Variants in HTT observed in about 807,000 individuals in gnomAD.
HTT encodes the protein huntington disease protein.
A neutral mutation model predicts 362.3 loss-of-function variants in HTT; 104 were observed. The observed-to-expected ratio is 0.29, with a 90% CI of 0.24 to 0.34. The LOEUF (loss-of-function observed/expected upper bound fraction) is 0.34. Ranked by LOEUF, HTT falls within the 10% of genes least tolerant of loss-of-function variation. The pLI is 1.00. For synonymous variants in HTT, 1,577 were observed against 1,548.7 expected (o/e 1.02, Z -0.43); for missense variants, 3,301 against 3,928.6 (o/e 0.84, Z 4.27).
intron 1 of HTT, among the ~76,000 whole-genome samples, chr4:3,080,361 C>G (rs1206977398): frequency 6.6e-6 from 1 of 151,040 alleles, no homozygotes; most frequent in East Asian, 2.0e-4. Context: ...TGCCAAAGTG[C>G]TGGGATTACA....
At chr4:3,112,798 T>A (rs948491558) in intron 6 of HTT, among the ~76,000 whole-genome samples, 3 of 152,198 alleles carry the variant, frequency 2.0e-5, no homozygotes, top group Non-Finnish European at 4.4e-5. Flanking sequence ...GGTGTGTGCA[T>A]CTCAGCTGCA....
chr4:3,184,768 G>A (rs1394446034), intron 37 of HTT, among the ~76,000 whole-genome samples: 1 of 152,108 alleles, frequency 6.6e-6, no homozygotes, highest in Admixed American at 6.5e-5. Flanking sequence ...GAGACTGTGG[G>A]GCAGGGGGTC....
intron 37 of HTT, 83 bp from the exon 38 acceptor site, chr4:3,186,514 C>T: frequency 1.4e-6 from 2 of 1,464,080 alleles, no homozygotes; most frequent in South Asian, 1.2e-5. Context: ...TGATGATTTG[C>T]CCTTGAGTTA....
chr4:3,218,541 G>C lies in HTT; in HGVS notation c.7242+589G>C, dbSNP rs530737246. ...CCAGCTACTCAGGAGACTGAGACAG[G>C]AGAATCGCTTGAACCCAGGAGGCGA... On this transcript the variant is annotated intron_variant, in intron 52 of 66. Transcript: ENST00000355072. This position sits in a 1 kb window ranked among gnomAD's most constrained non-coding sequence, Gnocchi z 4.4. 6.6e-6 allele frequency among the ~76,000 whole-genome samples: 1 copy of C among 152,190 alleles called. No homozygotes were observed. The highest frequency in any genetic ancestry group is 1.5e-5 in the Non-Finnish European group (1 of 68,002).
chr4:3,220,684 C>T (rs1720631684), intron 53 of HTT, among the ~76,000 whole-genome samples: 1 of 152,064 alleles, frequency 6.6e-6, no homozygotes, highest in Non-Finnish European at 1.5e-5. Context: ...TGTTGTGTCT[C>T]AGTGGTCCAT....
intron 16 of HTT, 140 bp from the exon 17 acceptor site, chr4:3,132,422 G>A (rs960703025): frequency 1.5e-6 from 1 of 670,224 alleles, no homozygotes; most frequent in Non-Finnish European, 2.5e-6. Flanking sequence ...ATCACTTAGG[G>A]TTATTATAGT....
rs1560535071 is a variant in HTT, at chr4:3,074,928, CAGCAGCAACA to C, written c.104_113del (p.Gln35ArgfsTer63). 10 of 1,439,080 alleles carry C rather than the reference CAGCAGCAACA, an allele frequency of 6.9e-6. No individual in the cohort carries two copies. In the African/African-American group the frequency reaches 7.7e-5, roughly 11 times the overall value. 89.1% of individuals were successfully genotyped at this position (1,439,080 alleles called of 1,614,324 possible). A position where few individuals can be genotyped will look rare whatever the true frequency, so the allele number is the denominator to read the frequency against. On this transcript the variant is annotated frameshift_variant, in exon 1 of 67. Transcript: ENST00000355072. LOFTEE classifies it high-confidence loss of function. Reference sequence around the variant, plus strand: ...GCAGCAGCAGCAGCAGCAGCAGCAGCAGCAGCAACAGCCGCCACCGCCGCCGCCGCCGCCG... The same window carrying C: ...GCAGCAGCAGCAGCAGCAGCAGCAGCGCCGCCACCGCCGCCGCCGCCGCCG...
chr4:3,182,396 G>C lies in HTT; in HGVS notation c.4792G>C (p.Glu1598Gln), dbSNP rs1718566870. 6.2e-7 allele frequency: 1 copy of C among 1,613,900 alleles called. No individual in the cohort carries two copies. Among genetic ancestry groups the C allele is most frequent in the Non-Finnish European group, 8.5e-7 (1 of 1,179,852 alleles). The change falls in exon 37 of 67, where the codon GAG becomes CAG. Residue 1598 changes from glutamate (E) to glutamine (Q), a missense_variant. By Grantham distance (29) the Glu-to-Gln change is conservative. Coordinates refer to ENST00000355072, the MANE Select transcript of HTT (RefSeq NM_001388492.1). Reference sequence around the variant, plus strand: ...TCTTGTCCTGCAGCAGTGCCACAAGGAGAATGAAGACAAGTGGAAGCGACT... The same window carrying C: ...TCTTGTCCTGCAGCAGTGCCACAAGCAGAATGAAGACAAGTGGAAGCGACT... The part of the protein sequence containing the change: ...FILVLQQCHK[E>Q]NEDKWKRLSR...
At chr4:3,184,574 G>A (rs1718673899) in intron 37 of HTT, among the ~76,000 whole-genome samples, 2 of 152,158 alleles carry the variant, frequency 1.3e-5, no homozygotes, top group Admixed American at 1.3e-4. Context: ...GCTTAGATGT[G>A]GCATGTGAGA....
At chr4:3,220,695 T>C (rs1720632239) in intron 53 of HTT, among the ~76,000 whole-genome samples, 1 of 152,022 alleles carries the variant, frequency 6.6e-6, no homozygotes, top group Non-Finnish European at 1.5e-5. Flanking sequence ...AGTGGTCCAT[T>C]TTCTCATATG....
intron 6 of HTT, among the ~76,000 whole-genome samples, chr4:3,115,050 C>T (rs1714948014): frequency 6.6e-6 from 1 of 152,080 alleles, no homozygotes; most frequent in South Asian, 2.1e-4. Flanking sequence ...AGGCCTCCAC[C>T]ATTGCGGAGA....
Position 3,074,876 on chromosome 4 carries a change from C to CCAGCAGCAG in HTT, c.102_110dup (p.Gln36_Gln38dup), listed in dbSNP as rs71180116. The CCAGCAGCAG allele has an allele frequency of 0.033, 45,192 of 1,356,370 alleles. 3,933 individuals are homozygous for CCAGCAGCAG. The highest frequency in any genetic ancestry group is 0.048 in the Admixed American group (2,100 of 43,670). 84.0% of individuals were successfully genotyped at this position (1,356,370 alleles called of 1,614,324 possible). On this transcript the variant is annotated inframe_insertion, in exon 1 of 67. Transcript: ENST00000355072. ...AGGCCTTCGAGTCCCTCAAGTCCTT[C>CCAGCAGCAG]CAGCAGCAGCAGCAGCAGCAGCAGC...
intron 6 of HTT, among the ~76,000 whole-genome samples, chr4:3,114,856 A>G (rs999642612): frequency 2.0e-5 from 3 of 152,192 alleles, no homozygotes; most frequent in African/African-American, 4.8e-5. Context: ...TAAATTGCAG[A>G]TATTTCCGAT....
intron 64 of HTT, among the ~76,000 whole-genome samples, chr4:3,237,167 G>A (rs1299253235): frequency 1.1e-4 from 17 of 151,094 alleles, no homozygotes; most frequent in Non-Finnish European, 2.2e-4. Context: ...TCCGCCTCCC[G>A]GGTTCAAGTG....
chr4:3,126,450 T>C (rs1715524533), intron 11 of HTT, among the ~76,000 whole-genome samples: 1 of 152,232 alleles, frequency 6.6e-6, no homozygotes, highest in Non-Finnish European at 1.5e-5. Context: ...AGGGTGGTTT[T>C]GGTTGTATAA....
intron 2 of HTT, among the ~76,000 whole-genome samples, chr4:3,097,089 A>T (rs964379009): frequency 1.3e-5 from 2 of 152,228 alleles, no homozygotes; most frequent in Non-Finnish European, 2.9e-5. Flanking sequence ...ACTGTGTTCC[A>T]TCCTGGGCAA....
At position 3,151,610 on chromosome 4, in the gene HTT, A is replaced by G. The variant is rs183032676; in HGVS notation, c.3499-2683A>G. 1.5e-3 allele frequency among the ~76,000 whole-genome samples: 221 copies of G among 152,244 alleles called. 1 individual carries two copies. The highest frequency in any genetic ancestry group is 5.1e-3 in the African/African-American group (210 of 41,562). On this transcript the variant is annotated intron_variant, in intron 26 of 66. Coordinates refer to ENST00000355072, the MANE Select transcript of HTT (RefSeq NM_001388492.1). ...TATCAGAGCATGAACCCTATTGTGAACTGCACATTTGAGGGATCTAGGTTG... is the reference window on the plus strand; with the variant it reads ...TATCAGAGCATGAACCCTATTGTGAGCTGCACATTTGAGGGATCTAGGTTG...
At chr4:3,214,181 C>T in intron 50 of HTT, 46 bp downstream of exon 50, 1 of 1,349,470 alleles carries the variant, frequency 7.4e-7, no homozygotes, top group Non-Finnish European at 9.8e-7. Context: ...TAGTTCCTGT[C>T]TGCTTCACCA....
At chr4:3,182,531 A>T in intron 37 of HTT, 61 bp downstream of exon 37, 1 of 1,050,846 alleles carries the variant, frequency 9.5e-7, no homozygotes, top group Non-Finnish European at 1.5e-6. Flanking sequence ...GTCCTTGTGA[A>T]AGGTGGGTGG....
Sources: allele counts gnomAD v4.1 joint callset (sites outside exome capture counted in the v4.1 genomes callset), GRCh38; gene constraint gnomAD v4.1.1; non-coding constraint Gnocchi (gnomAD v3.1); transcripts MANE v1.5; gene names NCBI Gene and HGNC (gene_info 2026-07-23, HGNC 2026-07-21).